Variants in SNTG1 observed in about 807,000 individuals in gnomAD.
The protein encoded by SNTG1 is syntrophin gamma 1.
Under a neutral mutation model 74.7 loss-of-function variants are expected in SNTG1, and 39 were observed. That is an observed-to-expected ratio of 0.52 (90% CI 0.40 to 0.68). The LOEUF (loss-of-function observed/expected upper bound fraction) is 0.68. Among genes scored for constraint, SNTG1 ranks in the 30% least tolerant of loss-of-function variants. The pLI is 0.00. For synonymous variants in SNTG1, 254 were observed against 217.1 expected (o/e 1.17, Z -1.49); for missense variants, 685 against 609.5 (o/e 1.12, Z -1.30).
At chr8:50,593,031 C>CTGTTTAAAAACAGTTTTAAAA (rs2094702390) in intron 13 of SNTG1, among the ~76,000 whole-genome samples, 1 of 152,134 alleles carries the variant, frequency 6.6e-6, no homozygotes, top group Admixed American at 6.6e-5. Flanking sequence ...TTTAAAAACA[C>CTGTTTAAAAACAGTTTTAAAA]ATATAATCCC....
intron 13 of SNTG1, among the ~76,000 whole-genome samples, chr8:50,648,176 T>G (rs1412166467): frequency 2.0e-5 from 3 of 152,134 alleles, no homozygotes; most frequent in African/African-American, 7.2e-5. Flanking sequence ...CCCATTTTTA[T>G]TAGGTATATT....
chr8:50,232,235 T>C (rs1380252466), intron 2 of SNTG1, among the ~76,000 whole-genome samples: 3 of 151,348 alleles, frequency 2.0e-5, no homozygotes, highest in Non-Finnish European at 4.5e-5. Flanking sequence ...AAGCAACATA[T>C]ATAGGAAATA....
chr8:49,952,818 T>G (rs949423166), intron 1 of SNTG1, among the ~76,000 whole-genome samples: 1 of 152,200 alleles, frequency 6.6e-6, no homozygotes, highest in Non-Finnish European at 1.5e-5. Context: ...TAGGTAATCA[T>G]AAGAAGAAAC....
intron 2 of SNTG1, among the ~76,000 whole-genome samples, chr8:50,289,238 A>C (rs1191330956): frequency 1.3e-5 from 2 of 152,198 alleles, no homozygotes; most frequent in Non-Finnish European, 2.9e-5. Context: ...TGTAATGTTT[A>C]TGTGGATCCA....
intron 2 of SNTG1, among the ~76,000 whole-genome samples, chr8:50,319,692 A>G (rs2090454798): frequency 6.6e-6 from 1 of 152,164 alleles, no homozygotes; most frequent in South Asian, 2.1e-4. Flanking sequence ...ATTCAGTATG[A>G]TACCATCTCT....
chr8:49,962,672 T>C (rs1810796788), intron 1 of SNTG1, among the ~76,000 whole-genome samples: 2 of 152,134 alleles, frequency 1.3e-5, no homozygotes, highest in Non-Finnish European at 2.9e-5. Context: ...CTCAACTCAC[T>C]GCAACCTCTT....
At chr8:49,975,290 T>C (rs1302142684) in intron 1 of SNTG1, among the ~76,000 whole-genome samples, 2 of 152,200 alleles carry the variant, frequency 1.3e-5, no homozygotes, top group Admixed American at 6.5e-5. Context: ...CTTCTTTACC[T>C]ATAGTAGTGC....
At chr8:50,365,271 T>C (rs1460265725) in intron 2 of SNTG1, among the ~76,000 whole-genome samples, 1 of 152,138 alleles carries the variant, frequency 6.6e-6, no homozygotes, top group Non-Finnish European at 1.5e-5. Flanking sequence ...GGTGTCATTG[T>C]AGCTTGTGTA....
intron 2 of SNTG1, among the ~76,000 whole-genome samples, chr8:50,239,145 A>C (rs923999153): frequency 6.6e-6 from 1 of 152,194 alleles, no homozygotes; most frequent in Admixed American, 6.5e-5. Context: ...CTGAGTACAT[A>C]AGCAAAGGAA....
At chr8:50,017,898 A>T (rs1471852520) in intron 1 of SNTG1, among the ~76,000 whole-genome samples, 1 of 152,058 alleles carries the variant, frequency 6.6e-6, no homozygotes, top group East Asian at 1.9e-4. Flanking sequence ...CTTGAACAAC[A>T]CTATGAAAAA....
intron 8 of SNTG1, among the ~76,000 whole-genome samples, chr8:50,485,750 C>T (rs1223416336): frequency 1.4e-5 from 2 of 146,026 alleles, no homozygotes; most frequent in African/African-American, 2.5e-5. Context: ...TTGCCCATAC[C>T]TATGTCCTGA....
intron 1 of SNTG1, among the ~76,000 whole-genome samples, chr8:50,001,128 A>G (rs1457336255): frequency 1.3e-5 from 2 of 152,226 alleles, no homozygotes; most frequent in African/African-American, 4.8e-5. Context: ...TTACACAAGA[A>G]GAACAAGTGA....
intron 2 of SNTG1, among the ~76,000 whole-genome samples, chr8:50,393,890 T>C (rs2092694082): frequency 6.6e-6 from 1 of 152,178 alleles, no homozygotes; most frequent in African/African-American, 2.4e-5. Flanking sequence ...ACAATGCATG[T>C]TGGGAATGAG....
At chr8:50,689,674 A>G (rs2095368851) in intron 15 of SNTG1, among the ~76,000 whole-genome samples, 1 of 152,172 alleles carries the variant, frequency 6.6e-6, no homozygotes, top group African/African-American at 2.4e-5. Context: ...GGATTTTTGC[A>G]TTGATGTTCA....
At chr8:49,910,434 G>C (rs1470363689), upstream of SNTG1, among the ~76,000 whole-genome samples, 1 of 152,154 alleles carries the variant, frequency 6.6e-6, no homozygotes, top group African/African-American at 2.4e-5. Flanking sequence ...TTACAGTCTC[G>C]CTCTTTCCAT....
intron 2 of SNTG1, among the ~76,000 whole-genome samples, chr8:50,214,559 T>G (rs973871227): frequency 4.6e-5 from 7 of 152,102 alleles, no homozygotes; most frequent in Non-Finnish European, 1.5e-5. Flanking sequence ...TGTTTGAATT[T>G]TCTATGTACT....
At chr8:49,949,355 A>T (rs935374459) in intron 1 of SNTG1, among the ~76,000 whole-genome samples, 1 of 152,224 alleles carries the variant, frequency 6.6e-6, no homozygotes, top group Admixed American at 6.5e-5. Context: ...GAAAATCAAG[A>T]TGAATACTGA....
intron 3 of SNTG1, among the ~76,000 whole-genome samples, chr8:50,397,084 C>T (rs1022097003): frequency 2.6e-5 from 4 of 152,084 alleles, no homozygotes; most frequent in African/African-American, 7.2e-5. Context: ...CATCTAGAAT[C>T]GTCCATCAGT....
chr8:50,749,901 C>A (rs1013814249), intron 17 of SNTG1, among the ~76,000 whole-genome samples: 1 of 152,014 alleles, frequency 6.6e-6, no homozygotes, highest in Non-Finnish European at 1.5e-5. Flanking sequence ...AACACAATAT[C>A]CATTCTGCAG....
Sources: gnomAD v4.1 joint callset for allele counts (sites outside exome capture counted in the v4.1 genomes callset) on GRCh38, gnomAD v4.1.1 for gene constraint, MANE v1.5 for transcripts, NCBI Gene and HGNC (gene_info 2026-07-23, HGNC 2026-07-21) for gene names.